The following SCN1A variants were observed in gnomAD, a reference collection of about 807,000 sequenced individuals.
The protein encoded by SCN1A is sodium channel protein type 1 subunit alpha.
In SCN1A, 13 loss-of-function variants were observed where a neutral mutation model predicts 193.7. The observed-to-expected ratio is 0.07, with a 90% CI of 0.04 to 0.11. The LOEUF is 0.11. SCN1A is among the 10% of genes least tolerant of loss of function. The pLI is 1.00. For synonymous variants in SCN1A, 781 were observed against 843.6 expected (o/e 0.93, Z 1.29); for missense variants, 1,432 against 2,451.1 (o/e 0.58, Z 8.78).
At chr2:165,994,549 T>C (rs1391154136) in intron 27 of SCN1A, 133 bp from the exon 28 acceptor site, 6 of 727,568 alleles carry the variant, frequency 8.2e-6, no homozygotes, top group East Asian at 2.7e-5. Context: ...GTAAGAATGA[T>C]TTATAGCATA....
At chr2:166,009,238 T>A (rs1416178902) in intron 23 of SCN1A, 1 of 151,372 alleles carries the variant, frequency 6.6e-6, no homozygotes. Flanking sequence ...TAATGCAAAC[T>A]TTGGCATTAT....
Position 166,042,991 on chromosome 2 carries a change from A to G in SCN1A, c.2044-567T>C, listed in dbSNP as rs114400015. ...TAAGTCATCTAATTCTGACTTAGTCATGCCTCCTCATGCTGATATATTTCC... is the reference window on the plus strand; with the variant it reads ...TAAGTCATCTAATTCTGACTTAGTCGTGCCTCCTCATGCTGATATATTTCC... On this transcript the variant is annotated intron_variant, in intron 14 of 28. Coordinates refer to ENST00000674923, the MANE Select transcript of SCN1A (RefSeq NM_001165963.4). 8.2e-3 allele frequency among the ~76,000 whole-genome samples: 1,249 copies of G among 152,312 alleles called. 21 individuals are homozygous for G. The highest frequency in any genetic ancestry group is 0.029 in the African/African-American group (1,196 of 41,574).
At chr2:166,024,483 GT>G (rs1694481070) in intron 19 of SCN1A, among the ~76,000 whole-genome samples, 1 of 151,924 alleles carries the variant, frequency 6.6e-6, no homozygotes, top group Non-Finnish European at 1.5e-5. Flanking sequence ...ATTTACCTGG[GT>G]TTTTGTTTTG....
At chr2:166,010,655 T>C (rs1692319100) in intron 22 of SCN1A, among the ~76,000 whole-genome samples, 1 of 151,272 alleles carries the variant, frequency 6.6e-6, no homozygotes, top group Non-Finnish European at 1.5e-5. Context: ...GTTAGAAAGA[T>C]GCTAGTATTG....
intron 1 of SCN1A, among the ~76,000 whole-genome samples, 176 bp downstream of exon 1, chr2:166,127,595 G>A (rs1029022324): frequency 1.3e-5 from 2 of 151,904 alleles, no homozygotes; most frequent in East Asian, 3.9e-4. Context: ...AGAGAGGAGG[G>A]GGGAGGGGAG....
In SCN1A at chr2:166,123,698, T is replaced by C. The variant is rs75108526; in HGVS notation, c.-142+3226A>G. The stretch of plus-strand genomic sequence containing the variant: ...CTCTCAAAACTTTTTTTTGTGAAAA[T>C]GACTGATTTATGTTTTTTTTAAACC... On this transcript the variant is annotated intron_variant, in intron 2 of 28. Coordinates refer to ENST00000674923, the MANE Select transcript of SCN1A (RefSeq NM_001165963.4). 3.3e-3 allele frequency: 505 copies of C among 152,284 alleles called. 2 individuals carry two copies. The highest frequency in any genetic ancestry group is 0.012 in the African/African-American group (482 of 41,540). 9.4% of individuals were successfully genotyped at this position (152,284 alleles called of 1,614,324 possible). A position where few individuals can be genotyped will look rare whatever the true frequency, so the allele number is the denominator to read the frequency against.
At chr2:165,985,056 A>G (rs956703334), downstream of SCN1A, 1 of 152,206 alleles carries the variant, frequency 6.6e-6, no homozygotes, top group African/African-American at 2.4e-5. Flanking sequence ...ATAATGACAC[A>G]GTGAATAAAG....
chr2:166,101,348 G>A (rs1394911317), intron 2 of SCN1A, among the ~76,000 whole-genome samples: 3 of 127,662 alleles, frequency 2.3e-5, no homozygotes, highest in Non-Finnish European at 4.9e-5. Flanking sequence ...ATCACACTCT[G>A]GGGACTGTGG....
At position 166,012,199 on chromosome 2, in the gene SCN1A, G is replaced by A; in HGVS notation, c.3789C>T (p.Phe1263=). ...CCCATTTTAGAAGCATTTCCAGAAT[G>A]AAAATGTAAGTGAAAACCTTGTCAG... ...EYADKVFTYI[F]ILEMLLKWVA... The change falls in exon 22 of 29, where the codon TTC becomes TTT. Residue 1263 remains phenylalanine (F), a synonymous_variant. Transcript: ENST00000674923. 6.2e-7 allele frequency: 1 copy of A among 1,610,450 alleles called. No homozygotes were observed. The highest frequency in any genetic ancestry group is 8.5e-7 in the Non-Finnish European group (1 of 1,177,494).
chr2:166,065,791 G>A (rs1297114890), intron 4 of SCN1A, among the ~76,000 whole-genome samples: 2 of 151,996 alleles, frequency 1.3e-5, no homozygotes, highest in African/African-American at 4.8e-5. Flanking sequence ...GTGACAATAG[G>A]TACCTGCCAG....
chr2:166,103,068 G>GATATACATAT (rs1553571677), intron 2 of SCN1A, among the ~76,000 whole-genome samples: 1 of 149,026 alleles, frequency 6.7e-6, no homozygotes, highest in East Asian at 2.0e-4. Context: ...AGATTTGGGA[G>GATATACATAT]ATATATATAT....
intron 2 of SCN1A, among the ~76,000 whole-genome samples, chr2:166,112,462 G>T (rs1245399994): frequency 6.6e-6 from 1 of 152,048 alleles, no homozygotes; most frequent in Non-Finnish European, 1.5e-5. Flanking sequence ...TATATGCACT[G>T]GGAAATCAAA....
intron 19 of SCN1A, among the ~76,000 whole-genome samples, chr2:166,022,145 G>A (rs1694157918): frequency 6.6e-6 from 1 of 152,098 alleles, no homozygotes; most frequent in Non-Finnish European, 1.5e-5. Flanking sequence ...TTGGGGAAAT[G>A]CATGCCCAAA....
At chr2:165,998,197 T>A in intron 25 of SCN1A, 22 bp from the exon 26 acceptor site, 2 of 1,588,582 alleles carry the variant, frequency 1.3e-6, no homozygotes, top group Non-Finnish European at 8.6e-7. Flanking sequence ...GAATATTTTG[T>A]AAAATATTAC....
chr2:165,991,873 C>T lies in SCN1A; in HGVS notation c.5402G>A (p.Ser1801Asn). 6.2e-7 allele frequency: 1 copy of T among 1,613,960 alleles called. No individual in the cohort carries two copies. ...VATEESAEPL[S>N]EDDFEMFYEV... ...ATAGAACATCTCAAAGTCATCCTCACTCAGAGGCTCTGCACTTTCTTCAGT... is the reference window on the plus strand; with the variant it reads ...ATAGAACATCTCAAAGTCATCCTCATTCAGAGGCTCTGCACTTTCTTCAGT... The change falls in exon 29 of 29, where the codon AGT becomes AAT. Residue 1801 changes from serine (S) to asparagine (N), a missense_variant. By Grantham distance (46) the Ser-to-Asn change is conservative. Around this residue, in one of 18 missense-constraint regions of SCN1A, gnomAD observed 59 missense variants for 110.6 expected, o/e 0.53. Coordinates refer to ENST00000674923, the MANE Select transcript of SCN1A (RefSeq NM_001165963.4).
chr2:166,081,316 A>G (rs1685496232), intron 2 of SCN1A, among the ~76,000 whole-genome samples: 1 of 152,014 alleles, frequency 6.6e-6, no homozygotes, highest in African/African-American at 2.4e-5. Context: ...CATTTCACAC[A>G]GAAGTCTTAA....
intron 8 of SCN1A, 105 bp from the exon 9 acceptor site, chr2:166,052,093 T>C (rs1698639917): frequency 5.6e-6 from 6 of 1,070,434 alleles, no homozygotes; most frequent in Non-Finnish European, 6.8e-6. Flanking sequence ...AATCCAAGAA[T>C]GTTTGCAACG....
chr2:166,089,169 C>CA (rs2106069557), intron 2 of SCN1A, among the ~76,000 whole-genome samples: 1 of 152,184 alleles, frequency 6.6e-6, no homozygotes, highest in Non-Finnish European at 1.5e-5. Context: ...CCTAGGCCCC[C>CA]ACCCCTCGAT....
intron 28 of SCN1A, chr2:165,993,024 C>T (rs1450902071): frequency 6.6e-6 from 1 of 152,078 alleles, no homozygotes; most frequent in African/African-American, 2.4e-5. Flanking sequence ...TTTTGGTCTC[C>T]TGTACCTAAC....
Sources: gnomAD v4.1 joint callset for allele counts (sites outside exome capture counted in the v4.1 genomes callset) on GRCh38, gnomAD v4.1.1 for gene constraint, gnomAD v4.1.1 regional missense constraint, MANE v1.5 for transcripts, NCBI Gene and HGNC (gene_info 2026-07-23, HGNC 2026-07-21) for gene names.